Variants in UBE4B observed in about 807,000 individuals in gnomAD.
UBE4B encodes ubiquitin conjugation factor E4 B.
In UBE4B, 27 loss-of-function variants were observed where a neutral mutation model predicts 148.1. The observed-to-expected ratio is 0.18, with a 90% confidence interval of 0.13 to 0.25. The LOEUF is 0.25. Ranked by LOEUF, UBE4B falls within the 10% of genes least tolerant of loss-of-function variation. The pLI, the probability that UBE4B is intolerant of heterozygous loss-of-function variation, is 1.00. For missense variants in UBE4B, 1,170 were observed against 1,662.4 expected, an observed-to-expected ratio of 0.70 and a Z score of 5.15; for synonymous variants, 596 against 619.3, an observed-to-expected ratio of 0.96 and a Z score of 0.56.
intron 1 of UBE4B, among the ~76,000 whole-genome samples, chr1:10,047,860 T>C (rs1251082420): frequency 1.3e-5 from 2 of 152,160 alleles, no homozygotes; most frequent in Non-Finnish European, 2.9e-5. Flanking sequence ...GCAAACATGG[T>C]TGAATGCATT....
intron 8 of UBE4B, among the ~76,000 whole-genome samples, chr1:10,118,081 A>T (rs780576161): frequency 6.6e-6 from 1 of 152,174 alleles, no homozygotes; most frequent in Non-Finnish European, 1.5e-5. Flanking sequence ...GAGATTAAGT[A>T]CTTGTCCAGA....
chr1:10,042,221 G>A lies in UBE4B; in HGVS notation c.24+8527G>A, dbSNP rs568685744. 8.1e-4 allele frequency among the ~76,000 whole-genome samples: 123 copies of A among 152,170 alleles called. 4 individuals carry two copies. In the South Asian group the frequency reaches 0.022, roughly 27 times the overall value. ...TGTGCAAAGTGCATTTTCTCACACG[G>A]CACTTGTAGTATCTAGTGGAAATGT... On this transcript the variant is annotated intron_variant, in intron 1 of 27. Coordinates refer to ENST00000343090, the MANE Select transcript of UBE4B (RefSeq NM_001105562.3).
At chr1:10,079,253 G>C (rs1402281005) in intron 2 of UBE4B, among the ~76,000 whole-genome samples, 37 of 152,088 alleles carry the variant, frequency 2.4e-4, no homozygotes, top group Admixed American at 2.3e-3. Flanking sequence ...CTGCCTCCCG[G>C]GCTCAAGTGA....
intron 1 of UBE4B, among the ~76,000 whole-genome samples, chr1:10,051,730 A>G (rs1360250286): frequency 1.3e-5 from 2 of 152,112 alleles, no homozygotes; most frequent in East Asian, 1.9e-4. Context: ...CCCAGGAGAA[A>G]TGTTCTGCAT....
At chr1:10,165,233 A>G (rs1475856033) in intron 23 of UBE4B, among the ~76,000 whole-genome samples, 2 of 152,112 alleles carry the variant, frequency 1.3e-5, no homozygotes, top group Non-Finnish European at 2.9e-5. Flanking sequence ...ATCTCAGTAA[A>G]TGGCGCCTTC....
chr1:10,119,689 C>T, intron 9 of UBE4B, 76 bp downstream of exon 9: 1 of 1,308,460 alleles, frequency 7.6e-7, no homozygotes. Flanking sequence ...GCTCTCTGGC[C>T]ATTCTTGCAC....
intron 16 of UBE4B, among the ~76,000 whole-genome samples, chr1:10,136,285 C>A (rs369746054): frequency 6.6e-6 from 1 of 151,748 alleles, no homozygotes. Flanking sequence ...CCAGCCTGGG[C>A]AAAATAAGGA....
chr1:10,110,317 CT>C (rs1477614966), intron 7 of UBE4B, among the ~76,000 whole-genome samples: 1 of 152,136 alleles, frequency 6.6e-6, no homozygotes, highest in Non-Finnish European at 1.5e-5. Flanking sequence ...GTTTTGCAGA[CT>C]TCTGAGAAAA....
At chr1:10,081,662 C>T (rs1038335469) in intron 2 of UBE4B, among the ~76,000 whole-genome samples, 3 of 152,036 alleles carry the variant, frequency 2.0e-5, no homozygotes, top group Admixed American at 6.6e-5. Context: ...AATCTTGGCT[C>T]GCTGCAACCT....
chr1:10,100,196 A>T (rs10864442), intron 3 of UBE4B, among the ~76,000 whole-genome samples: 1,606 of 152,038 alleles, frequency 0.011, 13 homozygotes, highest in Non-Finnish European at 0.014. Context: ...TCACCATGTT[A>T]GCCAGGATGG....
chr1:10,134,934 C>CA (rs1437907584), intron 15 of UBE4B, 54 bp from the exon 16 acceptor site: 14 of 1,546,548 alleles, frequency 9.1e-6, no homozygotes, highest in African/African-American at 8.3e-5. Flanking sequence ...GACCCCATCT[C>CA]AAAAAAAATT....
At position 10,151,438 on chromosome 1, in the gene UBE4B, G is replaced by C; in HGVS notation, c.2803G>C (p.Val935Leu). 6.2e-7 allele frequency: 1 copy of C among 1,614,108 alleles called. No homozygotes were observed. The highest frequency in any genetic ancestry group is 2.2e-5 in the East Asian group (1 of 44,886). ...IRNPYLVAKL[V>L]EVMFMTNPAV... ...AAACCCATATTTGGTGGCCAAACTGGTAGAAGTCATGTTTATGACCAACCC... is the reference window on the plus strand; with the variant it reads ...AAACCCATATTTGGTGGCCAAACTGCTAGAAGTCATGTTTATGACCAACCC... The change falls in exon 21 of 28, where the codon GTA becomes CTA. Residue 935 changes from valine (V) to leucine (L), a missense_variant. Val to Leu is a conservative substitution (Grantham distance 32). Coordinates refer to ENST00000343090, the MANE Select transcript of UBE4B (RefSeq NM_001105562.3).
chr1:10,121,383 AC>A (rs762180422), intron 9 of UBE4B, among the ~76,000 whole-genome samples: 7 of 152,178 alleles, frequency 4.6e-5, no homozygotes, highest in South Asian at 4.1e-4. Context: ...AACAAAAAAA[AC>A]ATATAATACT....
At chr1:10,088,442 G>A (rs895583518) in intron 2 of UBE4B, among the ~76,000 whole-genome samples, 13 of 151,736 alleles carry the variant, frequency 8.6e-5, no homozygotes, top group African/African-American at 2.9e-4. Flanking sequence ...GTGCAGTGGC[G>A]CAATCTCACT....
intron 11 of UBE4B, 116 bp downstream of exon 11, chr1:10,126,993 A>G: frequency 1.1e-6 from 1 of 925,274 alleles, no homozygotes. Context: ...AATTTAAAAC[A>G]TGAAATCACT....
intron 1 of UBE4B, among the ~76,000 whole-genome samples, chr1:10,070,068 A>T (rs2101828923): frequency 6.6e-6 from 1 of 152,136 alleles, no homozygotes; most frequent in African/African-American, 2.4e-5. Flanking sequence ...TGAGCCCAGG[A>T]ATTTGAGACC....
At chr1:10,074,554 AGG>A in intron 2 of UBE4B, among the ~76,000 whole-genome samples, 1 of 152,180 alleles carries the variant, frequency 6.6e-6, no homozygotes, top group South Asian at 2.1e-4. Context: ...CAGTCAGGCG[AGG>A]GTTCCCGTGG....
rs200457569 is a variant in UBE4B at position 10,167,441 on chromosome 1, AAAT to A, written c.3199-664_3199-662del. On this transcript the variant is annotated intron_variant, in intron 23 of 27. Transcript: ENST00000343090. ...GCAACAAGCGAAACTCCGTCTCAAAAAATAATAATAATAATAATAATAATAATA... is the reference window on the plus strand; with the variant it reads ...GCAACAAGCGAAACTCCGTCTCAAAAAATAATAATAATAATAATAATAATA... Among the ~76,000 whole-genome samples the A allele has an allele frequency of 4.3e-3, 629 of 147,142 alleles. 3 individuals carry two copies. Among genetic ancestry groups the A allele is most frequent in the African/African-American group, 0.011 (420 of 39,528 alleles).
intron 2 of UBE4B, among the ~76,000 whole-genome samples, chr1:10,074,967 G>A (rs145733741): frequency 1.3e-5 from 2 of 152,234 alleles, no homozygotes; most frequent in African/African-American, 2.4e-5. Flanking sequence ...TGTCTAACAG[G>A]CATGTCACAG....
Sources: gnomAD v4.1 joint callset for allele counts (sites outside exome capture counted in the v4.1 genomes callset) on GRCh38, gnomAD v4.1.1 for gene constraint, MANE v1.5 for transcripts, NCBI Gene and HGNC (gene_info 2026-07-23, HGNC 2026-07-21) for gene names.